CHMP4B: variants seen among roughly 807,000 people sequenced by gnomAD.
The protein encoded by CHMP4B is SNF7 homolog associated with Alix 1.
A neutral mutation model predicts 25.1 loss-of-function variants in CHMP4B; 1 was observed. The ratio of observed to expected loss-of-function variants is 0.04; its 90% CI spans 0.01 to 0.19. The LOEUF is 0.19. Ranked by LOEUF, CHMP4B falls within the 10% of genes least tolerant of loss-of-function variation. The pLI is 1.00. For synonymous variants in CHMP4B, 101 were observed against 115.6 expected (o/e 0.87, Z 0.81); for missense variants, 151 against 289.7 (o/e 0.52, Z 3.48).
rs773997450 is a variant in CHMP4B at position 33,852,127 on chromosome 20, G to A, written c.534G>A (p.Lys178=). ...LEELEQEELD[K]NLLEISGPET... Reference sequence around the variant, plus strand: ...AACTAGAACAGGAGGAACTAGACAAGAATTTGCTGGAAATCAGTGGACCCG... The same window carrying A: ...AACTAGAACAGGAGGAACTAGACAAAAATTTGCTGGAAATCAGTGGACCCG... Residue 178 remains lysine, a synonymous_variant, in exon 4 of 5, where the codon AAG becomes AAA. Transcript: ENST00000217402. 1.2e-6 allele frequency: 2 copies of A among 1,614,216 alleles called. No individual in the cohort carries two copies. Among genetic ancestry groups the A allele is most frequent in the East Asian group, 4.5e-5 (2 of 44,882 alleles).
intron 1 of CHMP4B, 134 bp downstream of exon 1, chr20:33,811,792 T>C: frequency 1.1e-6 from 1 of 905,190 alleles, no homozygotes; most frequent in Non-Finnish European, 1.8e-6. Flanking sequence ...TCTTGCCGGG[T>C]CTGGGACCCC....
At chr20:33,836,305 T>A (rs1481042020) in intron 1 of CHMP4B, among the ~76,000 whole-genome samples, 1 of 152,054 alleles carries the variant, frequency 6.6e-6, no homozygotes, top group East Asian at 1.9e-4. Context: ...CTATATTCTT[T>A]ATGTTTTGGG....
chr20:33,847,468 C>T (rs967365207), intron 1 of CHMP4B, among the ~76,000 whole-genome samples: 1 of 151,930 alleles, frequency 6.6e-6, no homozygotes, highest in African/African-American at 2.4e-5. Context: ...AGATATTTTT[C>T]GGTGTGAAGA....
chr20:33,849,009 A>G (rs142105933), intron 2 of CHMP4B, among the ~76,000 whole-genome samples: 1 of 152,320 alleles, frequency 6.6e-6, no homozygotes, highest in East Asian at 1.9e-4. Flanking sequence ...AACTGGGATT[A>G]GAATCGGTGC....
intron 2 of CHMP4B, among the ~76,000 whole-genome samples, chr20:33,849,266 G>A (rs766459537): frequency 4.6e-5 from 7 of 152,194 alleles, no homozygotes; most frequent in Non-Finnish European, 7.3e-5. Context: ...TAAAGGCCAA[G>A]GTAAGGAGGC....
Position 33,842,078 on chromosome 20 carries a change from G to C in CHMP4B, c.191-6389G>C, listed in dbSNP as rs147581440. Among the ~76,000 whole-genome samples, 10 of 152,182 alleles carry C rather than the reference G, an allele frequency of 6.6e-5. No homozygotes were observed. In the South Asian group the frequency reaches 2.1e-3, roughly 32 times the overall value. ...GTTATCTAATGAGGGGTTGGTCTTC[G>C]TTATCTCCAAGAGCTCCTCAAGCCC... is the stretch of plus-strand genomic sequence containing the variant. On this transcript the variant is annotated intron_variant, in intron 1 of 4. Coordinates refer to ENST00000217402, the MANE Select transcript of CHMP4B (RefSeq NM_176812.5).
intron 1 of CHMP4B, among the ~76,000 whole-genome samples, chr20:33,820,805 G>A (rs545765715): frequency 3.9e-5 from 6 of 151,982 alleles, no homozygotes; most frequent in South Asian, 2.1e-4. Flanking sequence ...AGTTTTTTGC[G>A]AAAGAAAAAC....
intron 1 of CHMP4B, among the ~76,000 whole-genome samples, chr20:33,844,022 G>A (rs775780461): frequency 6.6e-6 from 1 of 152,266 alleles, no homozygotes; most frequent in East Asian, 1.9e-4. Flanking sequence ...AGTTCACTGC[G>A]AAGAGGGGAA....
chr20:33,823,122 G>A (rs188440595), intron 1 of CHMP4B, among the ~76,000 whole-genome samples: 183 of 151,730 alleles, frequency 1.2e-3, no homozygotes, highest in African/African-American at 4.1e-3. Flanking sequence ...TAAAAACATT[G>A]TATTTCAAAG....
intron 1 of CHMP4B, among the ~76,000 whole-genome samples, chr20:33,832,268 A>G (rs17405840): frequency 0.17 from 26,570 of 152,070 alleles, 2,953 homozygotes; most frequent in Middle Eastern, 0.27. Flanking sequence ...GTCGGAAAAG[A>G]AAGAGTGCAT....
At chr20:33,848,427 T>G in intron 1 of CHMP4B, 40 bp from the exon 2 acceptor site, 1 of 1,609,456 alleles carries the variant, frequency 6.2e-7, no homozygotes. Context: ...CCTCACCCTG[T>G]GCCGGGACTC....
At chr20:33,822,375 C>A (rs906248970) in intron 1 of CHMP4B, among the ~76,000 whole-genome samples, 3 of 152,180 alleles carry the variant, frequency 2.0e-5, no homozygotes, top group Admixed American at 6.5e-5. Flanking sequence ...GAACTCCTGA[C>A]CTCAGGTGAT....
intron 1 of CHMP4B, among the ~76,000 whole-genome samples, chr20:33,816,945 T>A (rs1189004146): frequency 6.6e-6 from 1 of 152,264 alleles, no homozygotes; most frequent in Non-Finnish European, 1.5e-5. Context: ...CATTAAGTTC[T>A]GCTCATTGCT....
At chr20:33,827,898 T>G (rs930145407) in intron 1 of CHMP4B, among the ~76,000 whole-genome samples, 1 of 152,216 alleles carries the variant, frequency 6.6e-6, no homozygotes, top group African/African-American at 2.4e-5. Flanking sequence ...CTGGCCTGAC[T>G]TGAGTCATTT....
At chr20:33,852,808 G>A (rs1003821851) in intron 4 of CHMP4B, among the ~76,000 whole-genome samples, 2 of 152,190 alleles carry the variant, frequency 1.3e-5, no homozygotes, top group South Asian at 2.1e-4. Flanking sequence ...CCTGGGGGAA[G>A]GAAACAGCTT....
chr20:33,830,845 C>T (rs1341043514), intron 1 of CHMP4B, among the ~76,000 whole-genome samples: 3 of 151,004 alleles, frequency 2.0e-5, no homozygotes, highest in Admixed American at 6.6e-5. Flanking sequence ...GGTAGGGAGG[C>T]TGCTTTCTGA....
intron 1 of CHMP4B, among the ~76,000 whole-genome samples, chr20:33,828,897 TC>T (rs1979167040): frequency 6.6e-6 from 1 of 152,142 alleles, no homozygotes; most frequent in African/African-American, 2.4e-5. Flanking sequence ...ATTCCAGCAC[TC>T]AGCAGTCTGG....
intron 1 of CHMP4B, among the ~76,000 whole-genome samples, chr20:33,825,105 C>A (rs1488813563): frequency 6.6e-6 from 1 of 152,186 alleles, no homozygotes; most frequent in Non-Finnish European, 1.5e-5. Context: ...TGACCTGAAT[C>A]CCTCCCACTC....
At chr20:33,836,604 A>G (rs752163364) in intron 1 of CHMP4B, among the ~76,000 whole-genome samples, 1 of 152,024 alleles carries the variant, frequency 6.6e-6, no homozygotes, top group Non-Finnish European at 1.5e-5. Flanking sequence ...GCTGATCAGT[A>G]TTCTGCTGAA....
Sources: gnomAD v4.1 joint callset for allele counts (sites outside exome capture counted in the v4.1 genomes callset) on GRCh38, gnomAD v4.1.1 for gene constraint, MANE v1.5 for transcripts, NCBI Gene and HGNC (gene_info 2026-07-23, HGNC 2026-07-21) for gene names.